RP1: variants seen among roughly 807,000 people sequenced by gnomAD.
The protein encoded by RP1 is oxygen-regulated protein 1.
RP1 carries 16 observed loss-of-function variants against 14.8 expected under a neutral mutation model. The observed-to-expected ratio is 1.08, with a 90% CI of 0.73 to 1.65. The LOEUF is 1.65. RP1 is among the 40% of genes most tolerant of loss of function. The pLI is 0.00. For synonymous variants in RP1, 876 were observed against 883.6 expected (o/e 0.99, Z 0.15); for missense variants, 2,631 against 2,535.0 (o/e 1.04, Z -0.81).
intron 25 of RP1, chr8:54,852,433 G>C (rs1812078218): frequency 2.2e-6 from 1 of 452,932 alleles, no homozygotes; most frequent in African/African-American, 2.0e-5. Context: ...GTTTGAAAGG[G>C]GGTACATAGA....
chr8:54,777,174 T>C (rs1046726942), intron 23 of RP1, among the ~76,000 whole-genome samples: 1 of 152,214 alleles, frequency 6.6e-6, no homozygotes, highest in African/African-American at 2.4e-5. Context: ...GAGCCTAATA[T>C]ATCTTATGTA....
chr8:54,566,192 G>A (rs1028047754), intron 1 of RP1, among the ~76,000 whole-genome samples: 1 of 152,164 alleles, frequency 6.6e-6, no homozygotes, highest in Non-Finnish European at 1.5e-5. Context: ...TATGAATCTG[G>A]AGTGGAGCTC....
Position 54,593,972 on chromosome 8 carries a change from T to A in RP1, c.-12-26983T>A, listed in dbSNP as rs1805090557. On this transcript the variant is annotated intron_variant, in intron 1 of 22. Transcript: ENST00000636932. ...AGTGGCATGTAGGTGTCCAAGGGCT[T>A]GCTGTCCAGCCCAGCAGGAAACACA... is the stretch of plus-strand genomic sequence containing the variant. 9.9e-5 allele frequency among the ~76,000 whole-genome samples: 15 copies of A among 152,270 alleles called. 2 individuals are homozygous for A. The highest frequency in any genetic ancestry group is 9.2e-4 in the Admixed American group (14 of 15,286).
chr8:54,629,204 C>T lies in RP1; in HGVS notation c.5322C>T (p.Thr1774=). The T allele has an allele frequency of 1.2e-6, 2 of 1,614,012 alleles. No homozygotes were observed. The highest frequency in any genetic ancestry group is 1.7e-6 in the Non-Finnish European group (2 of 1,179,956). The part of the protein sequence containing the change: ...CGNADTTSVD[T]LLDNNSSEVP... Reference sequence around the variant, plus strand: ...ATGCAGACACCACATCAGTGGACACCCTACTTGATAATAACAGCAGTGAGG... The same window carrying T: ...ATGCAGACACCACATCAGTGGACACTCTACTTGATAATAACAGCAGTGAGG... The change falls in exon 4 of 4, where the codon ACC becomes ACT. Residue 1774 remains threonine (T), a synonymous_variant. Coordinates refer to ENST00000220676, the MANE Select transcript of RP1 (RefSeq NM_006269.2).
At chr8:54,730,869 C>T (rs572982177) in intron 17 of RP1, among the ~76,000 whole-genome samples, 3 of 152,102 alleles carry the variant, frequency 2.0e-5, no homozygotes, top group African/African-American at 7.2e-5. Context: ...TCATCTATTG[C>T]AAGATAACTA....
At chr8:54,642,739 AATAGTTAC>A (rs1486030632) in intron 3 of RP1, among the ~76,000 whole-genome samples, 1 of 152,124 alleles carries the variant, frequency 6.6e-6, no homozygotes, top group Non-Finnish European at 1.5e-5. Flanking sequence ...ACAGGAGTAA[AATAGTTAC>A]ATTAAAGAAT....
At chr8:54,687,534 C>A (rs1262744984) in intron 12 of RP1, among the ~76,000 whole-genome samples, 1 of 152,042 alleles carries the variant, frequency 6.6e-6, no homozygotes, top group African/African-American at 2.4e-5. Context: ...TTGTTCGACT[C>A]CCACTTATGA....
intron 12 of RP1, among the ~76,000 whole-genome samples, chr8:54,683,977 A>G (rs1585604179): frequency 6.8e-6 from 1 of 148,120 alleles, no homozygotes; most frequent in Non-Finnish European, 1.5e-5. Context: ...TGTTCCTTCA[A>G]TACCTAGTTG....
chr8:54,684,833 T>C (rs1226872245), intron 12 of RP1, among the ~76,000 whole-genome samples: 2 of 152,158 alleles, frequency 1.3e-5, no homozygotes, highest in Admixed American at 1.3e-4. Flanking sequence ...GATCATGCCC[T>C]TTGCAGGGAC....
At chr8:54,578,589 CT>C (rs1563316815) in intron 1 of RP1, among the ~76,000 whole-genome samples, 1 of 152,152 alleles carries the variant, frequency 6.6e-6, no homozygotes, top group African/African-American at 2.4e-5. Flanking sequence ...TATTTCATTT[CT>C]TTTGCCTCTG....
intron 14 of RP1, among the ~76,000 whole-genome samples, chr8:54,702,385 C>T (rs532804880): frequency 6.6e-6 from 1 of 152,210 alleles, no homozygotes; most frequent in East Asian, 1.9e-4. Context: ...CACACAAATT[C>T]CTGAGTTTTC....
intron 3 of RP1, among the ~76,000 whole-genome samples, chr8:54,647,310 A>C (rs2129324620): frequency 6.6e-6 from 1 of 152,198 alleles, no homozygotes. Context: ...AGCTATTGAG[A>C]GGCTGAGGCA....
chr8:54,805,521 A>T (rs924067742), intron 24 of RP1, among the ~76,000 whole-genome samples: 1 of 152,170 alleles, frequency 6.6e-6, no homozygotes, highest in Non-Finnish European at 1.5e-5. Flanking sequence ...TAAATGGCTT[A>T]CCTGTTGTAT....
chr8:54,692,235 G>T (rs996326551), intron 12 of RP1, among the ~76,000 whole-genome samples: 6 of 150,836 alleles, frequency 4.0e-5, no homozygotes, highest in Admixed American at 2.6e-4. Flanking sequence ...ATTTGGGTTG[G>T]TTCCAAGTCT....
chr8:54,713,293 G>A (rs543386309), intron 15 of RP1, among the ~76,000 whole-genome samples: 5 of 152,074 alleles, frequency 3.3e-5, no homozygotes, highest in Non-Finnish European at 7.4e-5. Context: ...TCGAAATTCA[G>A]GTTAGTAACA....
intron 1 of RP1, among the ~76,000 whole-genome samples, chr8:54,586,377 C>T (rs944062691): frequency 1.3e-5 from 2 of 152,144 alleles, no homozygotes; most frequent in African/African-American, 4.8e-5. Context: ...CAGAGGAGTA[C>T]CAGGCCGTGT....
At chr8:54,591,524 A>C (rs1805043027) in intron 1 of RP1, among the ~76,000 whole-genome samples, 2 of 152,024 alleles carry the variant, frequency 1.3e-5, no homozygotes, top group Non-Finnish European at 2.9e-5. Flanking sequence ...TGGCCTTATC[A>C]CCTCTACAAA....
At chr8:54,801,992 T>C (rs918255339) in intron 24 of RP1, among the ~76,000 whole-genome samples, 6 of 152,218 alleles carry the variant, frequency 3.9e-5, no homozygotes, top group African/African-American at 1.2e-4. Context: ...TTTAGATGGG[T>C]AGTCAGATTT....
chr8:54,697,154 T>A, intron 12 of RP1: 2 of 915,090 alleles, frequency 2.2e-6, no homozygotes, highest in Non-Finnish European at 3.5e-6. Flanking sequence ...CACTACATTT[T>A]TATCAATGAA....
Sources: gnomAD v4.1 joint callset for allele counts (sites outside exome capture counted in the v4.1 genomes callset) on GRCh38, gnomAD v4.1.1 for gene constraint, MANE v1.5 for transcripts, NCBI Gene and HGNC (gene_info 2026-07-23, HGNC 2026-07-21) for gene names.